The following P2RX5 variants were observed in gnomAD, a reference collection of about 807,000 sequenced individuals.
P2RX5 encodes P2X purinoceptor 5.
P2RX5 carries 46 observed loss-of-function variants against 54.1 expected under a neutral mutation model. The observed-to-expected ratio is 0.85, with a 90% CI of 0.67 to 1.09. The LOEUF (loss-of-function observed/expected upper bound fraction) is 1.09. Among genes scored for constraint, P2RX5 ranks in the 50% least tolerant of loss-of-function variants. The probability of loss-of-function intolerance (pLI) is 0.00; values close to 1 mark genes in which losing one functional copy is unlikely to be tolerated. For synonymous variants in P2RX5, 226 were observed against 226.4 expected (o/e 1.00, Z 0.02); for missense variants, 566 against 549.8 (o/e 1.03, Z -0.29).
intron 10 of P2RX5, among the ~76,000 whole-genome samples, chr17:3,680,295 C>T (rs1194130236): frequency 1.5e-5 from 2 of 137,902 alleles, no homozygotes; most frequent in Non-Finnish European, 3.1e-5. Flanking sequence ...GCATCCTCCA[C>T]CCAGTGTCCT....
chr17:3,720,926 TTGAC>T, the P2RX5 span, among the ~76,000 whole-genome samples: 7 of 152,068 alleles, frequency 4.6e-5, no homozygotes, highest in Admixed American at 1.3e-4. Context: ...AAGTCAGTTC[TTGAC>T]TGACTGACTT....
At chr17:3,689,421 C>T (rs2050539175) in intron 7 of P2RX5, 71 bp downstream of exon 7, 2 of 1,580,458 alleles carry the variant, frequency 1.3e-6, no homozygotes, top group Admixed American at 1.7e-5. Flanking sequence ...CGTCCACACC[C>T]TCCTCGTCAC....
chr17:3,679,938 C>CCCTCCACCCTGCAT (rs1490080633), intron 10 of P2RX5, among the ~76,000 whole-genome samples, 154 bp from the exon 11 acceptor site: 3 of 146,218 alleles, frequency 2.1e-5, no homozygotes, highest in African/African-American at 5.1e-5. Flanking sequence ...CCATGCGGCT[C>CCCTCCACCCTGCAT]CCTCCACCCT....
intron 1 of P2RX5, among the ~76,000 whole-genome samples, chr17:3,694,110 T>G (rs1223416851): frequency 6.6e-6 from 1 of 151,268 alleles, no homozygotes; most frequent in Non-Finnish European, 1.5e-5. Flanking sequence ...GATGAATGCA[T>G]GACCACAATG....
chr17:3,708,437 A>G, the P2RX5 span, among the ~76,000 whole-genome samples: 2 of 144,584 alleles, frequency 1.4e-5, no homozygotes, highest in Non-Finnish European at 3.0e-5. Context: ...ACTGGACAAG[A>G]AAGAAAAAGC....
upstream of P2RX5, among the ~76,000 whole-genome samples, chr17:3,700,834 G>C (rs147979788): frequency 3.6e-3 from 550 of 152,164 alleles, 4 homozygotes; most frequent in African/African-American, 0.012. Context: ...TCTCTCTCCT[G>C]CTGCCTCTCA....
intron 6 of P2RX5, 27 bp downstream of exon 6, chr17:3,690,043 T>C (rs2050566923): frequency 6.2e-7 from 1 of 1,607,052 alleles, no homozygotes; most frequent in Admixed American, 1.7e-5. Flanking sequence ...GGCCCACCCG[T>C]GGCCCCCAGT....
At chr17:3,707,102 A>G in the P2RX5 span, among the ~76,000 whole-genome samples, 2 of 152,166 alleles carry the variant, frequency 1.3e-5, no homozygotes, top group Admixed American at 6.6e-5. Context: ...TTAGATTTCA[A>G]TGTAATTGAT....
At chr17:3,681,046 T>C (rs2050265177) in intron 10 of P2RX5, among the ~76,000 whole-genome samples, 1 of 151,244 alleles carries the variant, frequency 6.6e-6, no homozygotes, top group Non-Finnish European at 1.5e-5. Flanking sequence ...CCACCCAGCG[T>C]CCTCCACCCT....
chr17:3,690,426 C>T lies in P2RX5; in HGVS notation c.533+1G>A. The T allele has an allele frequency of 6.2e-7, 1 of 1,607,616 alleles. No homozygotes were observed. The highest frequency in any genetic ancestry group is 2.2e-5 in the East Asian group (1 of 44,552). ...AGGGTCCTGAGGCTGCAGCCACTCA[C>T]TCCGGCCTGGAGCTTGTCTCCAACG... On this transcript the variant is annotated splice_donor_variant, in intron 5 of 11. Transcript: ENST00000225328. LOFTEE classifies it high-confidence loss of function.
At chr17:3,720,312 T>C in the P2RX5 span, 1 of 1,538,206 alleles carries the variant, frequency 6.5e-7, no homozygotes, top group Non-Finnish European at 9.0e-7. Flanking sequence ...ATTACCTTAG[T>C]TCTGTGGTTC....
chr17:3,715,083 T>A, the P2RX5 span: 536 of 613,558 alleles, frequency 8.7e-4, 5 homozygotes, highest in African/African-American at 8.5e-3. Context: ...TAACTTACTC[T>A]GAATCTCTCC....
upstream of P2RX5, among the ~76,000 whole-genome samples, chr17:3,699,572 C>T (rs1597280667): frequency 2.6e-5 from 4 of 151,622 alleles, no homozygotes; most frequent in Admixed American, 2.0e-4. Context: ...TTTGGGAGGC[C>T]GAGGCAGGTA....
chr17:3,674,457 ACTGT>A (rs2050055624), intron 11 of P2RX5, among the ~76,000 whole-genome samples: 1 of 152,148 alleles, frequency 6.6e-6, no homozygotes, highest in Non-Finnish European at 1.5e-5. Context: ...AGAGTGTGAC[ACTGT>A]CTGGAAGCTG....
upstream of P2RX5, among the ~76,000 whole-genome samples, chr17:3,697,504 G>C (rs578223128): frequency 6.6e-6 from 1 of 152,160 alleles, no homozygotes; most frequent in Non-Finnish European, 1.5e-5. Context: ...ACACAAAGAG[G>C]CTCCCTTCCC....
In P2RX5 at chr17:3,677,863, A is replaced by T. The variant is rs927754942; in HGVS notation, c.1259+1727T>A. The T allele has an allele frequency of 1.2e-5, 12 of 983,702 alleles. No homozygotes were observed. The East Asian group carries it at 1.0e-3, about 84-fold the overall frequency. The allele number at this position is 983,702 out of a possible 1,614,324, so 60.9% of individuals were successfully genotyped here. A position where few individuals can be genotyped will look rare whatever the true frequency, so the allele number is the denominator to read the frequency against. On this transcript the variant is annotated intron_variant, in intron 11 of 11. Transcript: ENST00000225328. ...CTTTCCCTGGACACCTGCTCCAGGG[A>T]CTCCTCTTCTAGGTCCGAGCCCCTC...
chr17:3,713,076 A>ATT, the P2RX5 span, among the ~76,000 whole-genome samples: 1 of 152,210 alleles, frequency 6.6e-6, no homozygotes, highest in Admixed American at 6.5e-5. Context: ...CAAAAGCATA[A>ATT]TAACAGGTCA....
At chr17:3,673,919 C>T in intron 11 of P2RX5, 42 bp from the exon 12 acceptor site, 1 of 1,572,304 alleles carries the variant, frequency 6.4e-7, no homozygotes, top group South Asian at 1.1e-5. Context: ...GAGGCTGGCA[C>T]TCTCATCTTC....
At chr17:3,713,667 T>C in the P2RX5 span, among the ~76,000 whole-genome samples, 3 of 151,628 alleles carry the variant, frequency 2.0e-5, no homozygotes, top group South Asian at 6.2e-4. Context: ...GGAGAATCGC[T>C]TGAACCCGGG....
Sources: gnomAD v4.1 joint callset for allele counts (sites outside exome capture counted in the v4.1 genomes callset) on GRCh38, gnomAD v4.1.1 for gene constraint, MANE v1.5 for transcripts, NCBI Gene and HGNC (gene_info 2026-07-23, HGNC 2026-07-21) for gene names.